Variants in CDH12 observed in about 807,000 individuals in gnomAD.
CDH12 encodes the protein cadherin-12.
Under a neutral mutation model 74.1 loss-of-function variants are expected in CDH12, and 41 were observed. That is an observed-to-expected ratio of 0.55 (90% confidence interval 0.43 to 0.72). The LOEUF (loss-of-function observed/expected upper bound fraction) is 0.72. Ranked by LOEUF, CDH12 falls within the 30% of genes least tolerant of loss-of-function variation. The pLI is 0.00. For synonymous variants in CDH12, 399 were observed against 355.0 expected, an observed-to-expected ratio of 1.12 and a Z score of -1.39; for missense variants, 945 against 977.2, an observed-to-expected ratio of 0.97 and a Z score of 0.44.
At chr5:22,603,116 T>C (rs1736927339) in intron 1 of CDH12, among the ~76,000 whole-genome samples, 2 of 152,196 alleles carry the variant, frequency 1.3e-5, no homozygotes. Flanking sequence ...TAGTCCATTT[T>C]GGAAGTTTAA....
At chr5:22,794,413 C>T (rs1187430758) in intron 1 of CDH12, among the ~76,000 whole-genome samples, 2 of 152,154 alleles carry the variant, frequency 1.3e-5, no homozygotes, top group Non-Finnish European at 2.9e-5. Flanking sequence ...GGTTAATGTG[C>T]TTTGTGTCAT....
At chr5:22,185,848 T>C (rs1561200003) in intron 4 of CDH12, among the ~76,000 whole-genome samples, 1 of 152,236 alleles carries the variant, frequency 6.6e-6, no homozygotes, top group Non-Finnish European at 1.5e-5. Flanking sequence ...ACTCTTTCTT[T>C]GTGTATGCTA....
chr5:21,940,060 A>T (rs1040461507), intron 6 of CDH12, among the ~76,000 whole-genome samples: 1 of 149,686 alleles, frequency 6.7e-6, no homozygotes, highest in African/African-American at 2.4e-5. Flanking sequence ...ATCTCTACTT[A>T]AAAAAATAAA....
intron 1 of CDH12, among the ~76,000 whole-genome samples, chr5:22,650,947 G>A (rs1739701797): frequency 6.6e-6 from 1 of 151,994 alleles, no homozygotes; most frequent in Non-Finnish European, 1.5e-5. Context: ...TAATATCCAT[G>A]TTGTAGGTTT....
intron 4 of CDH12, among the ~76,000 whole-genome samples, chr5:22,125,943 C>T (rs1315222840): frequency 1.4e-5 from 2 of 139,242 alleles, no homozygotes; most frequent in Non-Finnish European, 3.1e-5. Context: ...AGACCTTTTC[C>T]TCATTTCACT....
chr5:22,713,132 C>CTTTTTTTTT (rs70959753), intron 1 of CDH12, among the ~76,000 whole-genome samples: 1 of 61,162 alleles, frequency 1.6e-5, no homozygotes, highest in African/African-American at 6.2e-5. Context: ...TATGCTAATT[C>CTTTTTTTTT]TTTTTTTTTT....
At chr5:21,898,196 A>T (rs554493988) in intron 6 of CDH12, among the ~76,000 whole-genome samples, 2 of 151,830 alleles carry the variant, frequency 1.3e-5, no homozygotes, top group Middle Eastern at 3.4e-3. Flanking sequence ...TATACATTAA[A>T]TTTTTTTTCT....
intron 11 of CDH12, among the ~76,000 whole-genome samples, chr5:21,770,977 A>G (rs1462328756): frequency 6.6e-6 from 1 of 152,182 alleles, no homozygotes; most frequent in East Asian, 1.9e-4. Context: ...ACCCAATGCC[A>G]CATGTTCTCA....
In CDH12 at chr5:22,743,206, G is replaced by A. The variant is rs528528059; in HGVS notation, c.-523+109852C>T. Among the ~76,000 whole-genome samples the A allele has an allele frequency of 7.3e-5, 11 of 150,200 alleles. No individual in the cohort carries two copies. In the South Asian group the frequency reaches 2.3e-3, roughly 32 times the overall value. ...CTCCTGGTCTCCAGCTCTCCAGCTT[G>A]CTCACTCATACTGCAAATCTTGGGA... On this transcript the variant is annotated intron_variant, in intron 1 of 14. Coordinates refer to ENST00000382254, the MANE Select transcript of CDH12 (RefSeq NM_004061.5).
chr5:22,792,245 C>A (rs1396933420), intron 1 of CDH12, among the ~76,000 whole-genome samples: 3 of 151,894 alleles, frequency 2.0e-5, no homozygotes, highest in Non-Finnish European at 4.4e-5. Flanking sequence ...CCCGCCATCA[C>A]GCCCCACTAA....
chr5:22,665,880 G>A (rs1223068920), intron 1 of CDH12, among the ~76,000 whole-genome samples: 3 of 151,974 alleles, frequency 2.0e-5, no homozygotes, highest in Admixed American at 1.3e-4. Context: ...GTTATTTAAT[G>A]TTGAGATTTC....
chr5:22,139,570 G>A (rs540357280), intron 4 of CDH12: 1 of 143,674 alleles, frequency 7.0e-6, no homozygotes, highest in South Asian at 2.3e-4. Flanking sequence ...TTTACTTGGC[G>A]TGCAATTTCT....
chr5:21,761,464 A>G (rs1744712882), intron 12 of CDH12, among the ~76,000 whole-genome samples: 1 of 152,116 alleles, frequency 6.6e-6, no homozygotes, highest in Non-Finnish European at 1.5e-5. Flanking sequence ...AATTTCAGGA[A>G]GTGTTATGTG....
At chr5:21,890,729 T>G (rs999781124) in intron 6 of CDH12, among the ~76,000 whole-genome samples, 1 of 152,142 alleles carries the variant, frequency 6.6e-6, no homozygotes, top group African/African-American at 2.4e-5. Flanking sequence ...ACAAACATGT[T>G]AGGATTCTCT....
intron 3 of CDH12, among the ~76,000 whole-genome samples, chr5:22,287,934 T>C (rs932034139): frequency 1.3e-5 from 2 of 152,296 alleles, no homozygotes; most frequent in East Asian, 1.9e-4. Flanking sequence ...CTATTCCGTA[T>C]GTGCAAGCTC....
chr5:22,334,545 CA>C (rs1739492489), intron 3 of CDH12, among the ~76,000 whole-genome samples: 1 of 151,928 alleles, frequency 6.6e-6, no homozygotes, highest in Non-Finnish European at 1.5e-5. Flanking sequence ...CCAGAGTAAC[CA>C]AAGCATCCTG....
chr5:22,363,337 T>C (rs1740899719), intron 3 of CDH12, among the ~76,000 whole-genome samples: 1 of 152,154 alleles, frequency 6.6e-6, no homozygotes, highest in Non-Finnish European at 1.5e-5. Flanking sequence ...TTATATAACA[T>C]TTATTAAACA....
At chr5:21,855,184 A>G (rs978085713) in intron 6 of CDH12, among the ~76,000 whole-genome samples, 1 of 151,792 alleles carries the variant, frequency 6.6e-6, no homozygotes, top group Non-Finnish European at 1.5e-5. Context: ...AGTGTACTGA[A>G]CATTAGAGGT....
intron 1 of CDH12, among the ~76,000 whole-genome samples, chr5:22,706,496 A>T (rs1421248905): frequency 2.6e-5 from 4 of 151,950 alleles, no homozygotes; most frequent in Non-Finnish European, 5.9e-5. Context: ...TATTTTTATA[A>T]TTTATTTGTT....
Sources: allele counts gnomAD v4.1 joint callset (sites outside exome capture counted in the v4.1 genomes callset), GRCh38; gene constraint gnomAD v4.1.1; transcripts MANE v1.5; gene names NCBI Gene and HGNC (gene_info 2026-07-23, HGNC 2026-07-21).